Variants in LANCL1 observed in about 807,000 individuals in gnomAD.
The protein encoded by LANCL1 is glutathione S-transferase LANCL1.
Under a neutral mutation model 50.6 loss-of-function variants are expected in LANCL1, and 50 were observed. The observed-to-expected ratio is 0.99, with a 90% CI of 0.79 to 1.25. The LOEUF is 1.25. Among genes scored for constraint, LANCL1 ranks in the 50% most tolerant of loss-of-function variants. The pLI, the probability that LANCL1 is intolerant of heterozygous loss-of-function variation, is 0.00. For synonymous variants in LANCL1, 188 were observed against 178.6 expected (o/e 1.05, Z -0.42); for missense variants, 532 against 480.7 (o/e 1.11, Z -1.00).
chr2:210,437,055 T>C (rs1034367052), intron 7 of LANCL1, among the ~76,000 whole-genome samples: 1 of 152,208 alleles, frequency 6.6e-6, no homozygotes, highest in African/African-American at 2.4e-5. Flanking sequence ...AGAGTTGTAA[T>C]TTGTTGATTT....
upstream of LANCL1, chr2:210,477,581 G>A (rs1694424734): frequency 2.9e-6 from 4 of 1,393,628 alleles, no homozygotes; most frequent in African/African-American, 1.4e-5. Flanking sequence ...AACTGGAGAA[G>A]CTCAGTCTCC....
Position 210,455,241 on chromosome 2 carries a change from A to G in LANCL1, c.273T>C (p.Tyr91=). 6.2e-7 allele frequency: 1 copy of G among 1,613,684 alleles called. No individual in the cohort carries two copies. Among genetic ancestry groups the G allele is most frequent in the South Asian group, 1.1e-5 (1 of 91,072 alleles). The change falls in exon 4 of 10, where the codon TAT becomes TAC. Residue 91 remains tyrosine, a synonymous_variant. Coordinates refer to ENST00000450366, the MANE Select transcript of LANCL1 (RefSeq NM_006055.3). ...DPAYLQLAHG[Y]VKQSLNCLTK... The stretch of plus-strand genomic sequence containing the variant: ...TTAAGCAGTTCAGACTTTGCTTTAC[A>G]TAGCCATGTGCTAACTGTAGGTAGG...
chr2:210,443,924 G>A (rs1693229087), intron 4 of LANCL1, among the ~76,000 whole-genome samples: 1 of 152,244 alleles, frequency 6.6e-6, no homozygotes, highest in Non-Finnish European at 1.5e-5. Context: ...AGGTTTGGAA[G>A]ATGGTACGGG....
chr2:210,446,158 C>T (rs1011369470), intron 4 of LANCL1, among the ~76,000 whole-genome samples: 1 of 152,186 alleles, frequency 6.6e-6, no homozygotes, highest in Non-Finnish European at 1.5e-5. Flanking sequence ...CCCTGTGCTT[C>T]CTGACTGGGA....
chr2:210,471,519 C>T (rs931741170), intron 3 of LANCL1: 2 of 456,072 alleles, frequency 4.4e-6, no homozygotes, highest in African/African-American at 4.0e-5. Flanking sequence ...TGTATGGATT[C>T]CTGTATGGAT....
At chr2:210,471,296 C>T (rs1051889384) in intron 3 of LANCL1, among the ~76,000 whole-genome samples, 4 of 151,918 alleles carry the variant, frequency 2.6e-5, no homozygotes, top group Admixed American at 2.0e-4. Flanking sequence ...CCACCCGCCT[C>T]GGCCTCCCAA....
At position 210,437,710 on chromosome 2, in the gene LANCL1, T is replaced by C. The variant is rs768489232; in HGVS notation, c.853A>G (p.Met285Val). 4.9e-5 allele frequency: 79 copies of C among 1,604,960 alleles called. No individual in the cohort carries two copies. The South Asian group carries it at 8.1e-4, about 16-fold the overall frequency. ...AGTACCTTATAGGCCTGGATGAGCA[T>C]GTAGATTACCCCAGGGGCGCCATGG... The part of the protein sequence containing the change: ...WCHGAPGVIY[M>V]LIQAYKVFRE... Residue 285 changes from methionine to valine, a missense_variant, in exon 7 of 10, where the codon ATG (methionine) becomes GTG (valine). By Grantham distance (21) the Met-to-Val change is conservative. Coordinates refer to ENST00000450366, the MANE Select transcript of LANCL1 (RefSeq NM_006055.3).
In LANCL1 at chr2:210,434,562, T is replaced by C; in HGVS notation, c.1125A>G (p.Gly375=). The C allele has an allele frequency of 6.2e-7, 1 of 1,612,890 alleles. No homozygotes were observed. The highest frequency in any genetic ancestry group is 8.5e-7 in the Non-Finnish European group (1 of 1,179,336). ...CCAGGAAATATATTGTTCCAGCCATTCCTGAAGAAAGAGAAAGAGGCAAAA... is the reference window on the plus strand; with the variant it reads ...CCAGGAAATATATTGTTCCAGCCATCCCTGAAGAAAGAGAAAGAGGCAAAA... ...TPDTPFSLFE[G]MAGTIYFLAD... The change falls in exon 10 of 10, where the codon GGA becomes GGG. Residue 375 remains glycine (G), a splice_region_variant and synonymous_variant. Transcript: ENST00000450366.
intron 3 of LANCL1, chr2:210,471,715 C>T: frequency 2.8e-6 from 2 of 709,206 alleles, no homozygotes; most frequent in Middle Eastern, 2.4e-4. Flanking sequence ...GTATAGCAGC[C>T]ATCCAAATGT....
Position 210,437,195 on chromosome 2 carries a change from T to TA in LANCL1, c.873+494dup, listed in dbSNP as rs568214461. ...TGGAATCATACAATATTTGTCCTTT[T>TA]ATATCTATTTATTTCACTTAGCATG... On this transcript the variant is annotated intron_variant, in intron 7 of 9. Coordinates refer to ENST00000450366, the MANE Select transcript of LANCL1 (RefSeq NM_006055.3). Among the ~76,000 whole-genome samples the TA allele has an allele frequency of 2.0e-5, 3 of 152,358 alleles. No individual in the cohort carries two copies. The South Asian group carries it at 6.2e-4, about 32-fold the overall frequency.
At chr2:210,440,304 A>C (rs1574415229) in intron 6 of LANCL1, among the ~76,000 whole-genome samples, 1 of 152,358 alleles carries the variant, frequency 6.6e-6, no homozygotes, top group South Asian at 2.1e-4. Context: ...GGCACTTCAT[A>C]CAGAATTATA....
intron 2 of LANCL1, 49 bp from the exon 3 acceptor site, chr2:210,472,125 T>A: frequency 8.0e-7 from 1 of 1,246,114 alleles, no homozygotes; most frequent in Non-Finnish European, 1.2e-6. Context: ...GTCACCCAGC[T>A]TGCTGGACTA....
At chr2:210,445,612 A>C (rs562132022) in intron 4 of LANCL1, among the ~76,000 whole-genome samples, 1 of 152,164 alleles carries the variant, frequency 6.6e-6, no homozygotes, top group Non-Finnish European at 1.5e-5. Flanking sequence ...ATTTATATTA[A>C]GATATAAAAA....
At chr2:210,457,220 C>G (rs951699372) in intron 3 of LANCL1, among the ~76,000 whole-genome samples, 1 of 152,116 alleles carries the variant, frequency 6.6e-6, no homozygotes, top group Non-Finnish European at 1.5e-5. Context: ...GAAAAAGTTT[C>G]CTGCACATGC....
chr2:210,461,404 T>A (rs1042167986), intron 3 of LANCL1, among the ~76,000 whole-genome samples: 8 of 152,090 alleles, frequency 5.3e-5, no homozygotes, highest in African/African-American at 1.4e-4. Context: ...AAGAGCTACT[T>A]ACAAACAGAT....
chr2:210,435,889 C>A (rs1253596838), intron 8 of LANCL1, among the ~76,000 whole-genome samples: 5 of 143,728 alleles, frequency 3.5e-5, no homozygotes, highest in Admixed American at 1.5e-4. Context: ...TCCTGGGAGA[C>A]CTGCTTTTTT....
At chr2:210,435,511 C>G (rs757840722) in intron 8 of LANCL1, 52 bp from the exon 9 acceptor site, 46 of 1,412,830 alleles carry the variant, frequency 3.3e-5, no homozygotes, top group Non-Finnish European at 4.4e-5. Context: ...CAGAGACAAC[C>G]CCAAAAGTTA....
chr2:210,452,486 T>C (rs3755187), intron 4 of LANCL1, among the ~76,000 whole-genome samples: 20,305 of 152,092 alleles, frequency 0.13, 1,716 homozygotes, highest in African/African-American at 0.22. Context: ...TGCAATGTAT[T>C]GTCCTCCCCT....
intron 9 of LANCL1, 110 bp from the exon 10 acceptor site, chr2:210,434,673 C>T (rs1574409172): frequency 1.2e-6 from 1 of 832,274 alleles, no homozygotes; most frequent in Non-Finnish European, 1.9e-6. Flanking sequence ...GCATTTCAGT[C>T]TATTCAAACA....
Sources: allele counts gnomAD v4.1 joint callset (sites outside exome capture counted in the v4.1 genomes callset), GRCh38; gene constraint gnomAD v4.1.1; transcripts MANE v1.5; gene names NCBI Gene and HGNC (gene_info 2026-07-23, HGNC 2026-07-21).